The following RFX7 variants were observed in gnomAD, a reference collection of about 807,000 sequenced individuals.
RFX7 encodes the protein regulatory factor X7, also known as DNA-binding protein RFX7.
RFX7 carries 26 observed loss-of-function variants against 111.8 expected under a neutral mutation model. The observed-to-expected ratio is 0.23, with a 90% CI of 0.17 to 0.32. The LOEUF is 0.32. Among genes scored for constraint, RFX7 ranks in the 10% least tolerant of loss-of-function variants. RFX7 has a pLI of 1.00. For synonymous variants in RFX7, 624 were observed against 624.4 expected (o/e 1.00, Z 0.01); for missense variants, 1,573 against 1,772.9 (o/e 0.89, Z 2.02).
At chr15:56,114,482 T>C (rs1442973239) in intron 5 of RFX7, among the ~76,000 whole-genome samples, 1 of 149,818 alleles carries the variant, frequency 6.7e-6, no homozygotes, top group East Asian at 2.0e-4. Flanking sequence ...AAAAAAGAAA[T>C]TTATCGTTTT....
chr15:56,170,441 GA>G (rs2042833780), intron 3 of RFX7, among the ~76,000 whole-genome samples: 1 of 152,064 alleles, frequency 6.6e-6, no homozygotes, highest in Admixed American at 6.6e-5. Context: ...GGGGGCGGGG[GA>G]CATCCTGTTT....
chr15:56,214,336 C>A (rs115254011), intron 2 of RFX7, among the ~76,000 whole-genome samples: 2,091 of 151,638 alleles, frequency 0.014, 45 homozygotes, highest in African/African-American at 0.047. Context: ...AATAAAAAAT[C>A]TGCGATATTT....
intron 2 of RFX7, among the ~76,000 whole-genome samples, chr15:56,221,798 T>C (rs1349901729): frequency 6.6e-6 from 1 of 152,224 alleles, no homozygotes; most frequent in Admixed American, 6.5e-5. Flanking sequence ...ACAGTGCAAT[T>C]CAATCTGTCT....
chr15:56,174,455 C>A (rs1304045573), intron 3 of RFX7, among the ~76,000 whole-genome samples: 1 of 152,030 alleles, frequency 6.6e-6, no homozygotes, highest in East Asian at 1.9e-4. Flanking sequence ...TAAAAATCAG[C>A]ATGTGGCTGG....
At position 56,089,081 on chromosome 15, in the gene RFX7, C is replaced by T. The variant is rs753053053; in HGVS notation, c.*4264G>A. 1 of 152,192 alleles carries T rather than the reference C, an allele frequency of 6.6e-6. No homozygotes were observed. The highest frequency in any genetic ancestry group is 2.4e-5 in the African/African-American group (1 of 41,432). 9.4% of individuals were successfully genotyped at this position (152,192 alleles called of 1,614,324 possible). A position where few individuals can be genotyped will look rare whatever the true frequency, so the allele number is the denominator to read the frequency against. ...CTCATTTAAGATGAATGACCACATG[C>T]TCCAGGAAATGGGCCCCCCCTCCTA... On this transcript the variant is annotated 3_prime_UTR_variant, in exon 10 of 10. Transcript: ENST00000559447.
Position 56,095,612 on chromosome 15 carries a change from C to T in RFX7, c.2116G>A (p.Glu706Lys), listed in dbSNP as rs1449298530. ...DQKVPHSGKT[E>K]GSTAGAQIPS... ...ATCTGAGCACCTGCTGTTGAACCTT[C>T]TGTTTTCCCTGAATGTGGAACCTTT... The change falls in exon 10 of 10, where the codon GAA becomes AAA. Residue 706 changes from glutamate (E) to lysine (K), a missense_variant. Coordinates refer to ENST00000559447, the MANE Select transcript of RFX7 (RefSeq NM_022841.7). The T allele has an allele frequency of 8.1e-6, 13 of 1,613,896 alleles. No homozygotes were observed. Among genetic ancestry groups the T allele is most frequent in the African/African-American group, 1.3e-5 (1 of 74,930 alleles).
intron 5 of RFX7, among the ~76,000 whole-genome samples, chr15:56,122,967 G>A (rs2042097447): frequency 6.6e-6 from 1 of 151,722 alleles, no homozygotes; most frequent in Non-Finnish European, 1.5e-5. Flanking sequence ...ACCATCTAAG[G>A]GCCAAATACC....
chr15:56,147,266 G>T (rs2042490341), intron 3 of RFX7, among the ~76,000 whole-genome samples: 1 of 152,116 alleles, frequency 6.6e-6, no homozygotes, highest in Non-Finnish European at 1.5e-5. Context: ...AGCCATAAAA[G>T]GAATGGAGTA....
intron 2 of RFX7, 63 bp downstream of exon 2, chr15:56,243,062 C>T: frequency 9.5e-7 from 1 of 1,049,042 alleles, no homozygotes; most frequent in Non-Finnish European, 1.3e-6. Flanking sequence ...CGCCGCCCCC[C>T]ACCCACTTTG....
At chr15:56,178,877 C>A (rs2042932418) in intron 3 of RFX7, among the ~76,000 whole-genome samples, 1 of 152,120 alleles carries the variant, frequency 6.6e-6, no homozygotes, top group Non-Finnish European at 1.5e-5. Context: ...TTCCTACAGG[C>A]TGCCAACCAA....
chr15:56,095,647 T>C lies in RFX7; in HGVS notation c.2081A>G (p.Lys694Arg). 2 of 1,614,042 alleles carry C rather than the reference T, an allele frequency of 1.2e-6. No individual in the cohort carries two copies. Among genetic ancestry groups the C allele is most frequent in the Non-Finnish European group, 1.7e-6 (2 of 1,179,888 alleles). ...TIEGQKQGSV[K>R]KDQKVPHSGK... ...TGAATGTGGAACCTTTTGGTCCTTC[T>C]TAACACTGCCTTGTTTCTGCCCTTC... is the stretch of plus-strand genomic sequence containing the variant. The change falls in exon 10 of 10, where the codon AAG becomes AGG. Residue 694 changes from lysine to arginine, a missense_variant. Coordinates refer to ENST00000559447, the MANE Select transcript of RFX7 (RefSeq NM_022841.7).
chr15:56,215,021 T>G (rs1205411368), intron 2 of RFX7, among the ~76,000 whole-genome samples: 6 of 152,182 alleles, frequency 3.9e-5, no homozygotes, highest in African/African-American at 1.4e-4. Flanking sequence ...AACTACAACT[T>G]TTTCACTAAT....
chr15:56,159,016 T>G (rs1422592619), intron 3 of RFX7, among the ~76,000 whole-genome samples: 2 of 152,138 alleles, frequency 1.3e-5, no homozygotes, highest in Non-Finnish European at 2.9e-5. Context: ...CCTCCCAGTC[T>G]CTGGTAAGCA....
chr15:56,220,252 C>CA (rs1269377367), intron 2 of RFX7, among the ~76,000 whole-genome samples: 2 of 151,988 alleles, frequency 1.3e-5, no homozygotes, highest in African/African-American at 4.8e-5. Context: ...TTTTTTGAGA[C>CA]AGAGTTTTGC....
chr15:56,199,684 C>A (rs1567044265), intron 2 of RFX7, among the ~76,000 whole-genome samples: 1 of 152,150 alleles, frequency 6.6e-6, no homozygotes, highest in East Asian at 1.9e-4. Context: ...GTAAATATAG[C>A]AGGAACCAAA....
chr15:56,243,403 G>T, intron 1 of RFX7, 42 bp downstream of exon 1: 2 of 825,130 alleles, frequency 2.4e-6, no homozygotes, highest in African/African-American at 1.9e-5. Context: ...GAGGGGAAGA[G>T]GAGGAGGAGG....
intron 2 of RFX7, among the ~76,000 whole-genome samples, chr15:56,209,569 TCAAAA>T (rs1487425912): frequency 1.3e-5 from 2 of 152,110 alleles, no homozygotes; most frequent in Non-Finnish European, 2.9e-5. Context: ...GATAATTTGT[TCAAAA>T]CAATCACAGG....
chr15:56,172,941 C>T (rs1195204317), intron 3 of RFX7, among the ~76,000 whole-genome samples: 5 of 152,098 alleles, frequency 3.3e-5, no homozygotes, highest in Non-Finnish European at 1.5e-5. Flanking sequence ...AACAAAATAT[C>T]AGAAACAAGT....
Position 56,096,105 on chromosome 15 carries a change from G to A in RFX7, c.1623C>T (p.Pro541=), listed in dbSNP as rs964754591. 22 of 1,613,492 alleles carry A rather than the reference G, an allele frequency of 1.4e-5. No homozygotes were observed. In the Middle Eastern group the frequency reaches 4.9e-4, roughly 36 times the overall value. ...CAGGATGCTCATCTGATGATGTTTC[G>A]GGTTCCACTTTGACTTCCACAGCAG... ...GTSAVEVKVE[P]ETSSDEHPVQ... is the part of the protein sequence containing the mutation. The change falls in exon 10 of 10, where the codon CCC becomes CCT. Residue 541 remains proline (P), a synonymous_variant. Transcript: ENST00000559447.
Sources: allele counts gnomAD v4.1 joint callset (sites outside exome capture counted in the v4.1 genomes callset), GRCh38; gene constraint gnomAD v4.1.1; transcripts MANE v1.5; gene names NCBI Gene and HGNC (gene_info 2026-07-23, HGNC 2026-07-21).